Variants in NGEF observed in about 807,000 individuals in gnomAD.
NGEF encodes ephexin-1.
NGEF carries 31 observed loss-of-function variants against 80.9 expected under a neutral mutation model. The ratio of observed to expected loss-of-function variants is 0.38; its 90% CI spans 0.29 to 0.52. NGEF has a LOEUF of 0.52. NGEF is among the 20% of genes least tolerant of loss of function. NGEF has a pLI of 0.84. For missense variants in NGEF, 709 were observed against 926.2 expected, an observed-to-expected ratio of 0.77 and a Z score of 3.04; for synonymous variants, 371 against 370.2, an observed-to-expected ratio of 1.00 and a Z score of -0.03.
intron 1 of NGEF, among the ~76,000 whole-genome samples, chr2:233,010,776 G>A (rs1209110875): frequency 6.6e-6 from 1 of 152,160 alleles, no homozygotes; most frequent in Non-Finnish European, 1.5e-5. Flanking sequence ...CAGGATGGCT[G>A]CCAAACAAAG....
At chr2:232,894,022 C>T (rs1301436604) in intron 6 of NGEF, among the ~76,000 whole-genome samples, 1 of 152,308 alleles carries the variant, frequency 6.6e-6, no homozygotes, top group African/African-American at 2.4e-5. Context: ...CGGGGCTGCG[C>T]CGGGCCCCAC....
At chr2:233,009,480 G>A (rs955752711) in intron 1 of NGEF, among the ~76,000 whole-genome samples, 1 of 151,966 alleles carries the variant, frequency 6.6e-6, no homozygotes, top group Non-Finnish European at 1.5e-5. Flanking sequence ...ACTGCACCCG[G>A]TTCATATACC....
chr2:232,998,689 G>A (rs554512947), intron 1 of NGEF, among the ~76,000 whole-genome samples: 27 of 152,172 alleles, frequency 1.8e-4, no homozygotes, highest in Non-Finnish European at 3.4e-4. Context: ...AGTGGCTGTG[G>A]TGGTGGATGG....
At chr2:232,982,525 T>C (rs1447853995) in intron 1 of NGEF, among the ~76,000 whole-genome samples, 2 of 152,172 alleles carry the variant, frequency 1.3e-5, no homozygotes, top group Non-Finnish European at 2.9e-5. Context: ...CTTGGGCCTT[T>C]TTTTTGAGAC....
At chr2:232,993,124 A>AT (rs1694687495) in intron 1 of NGEF, among the ~76,000 whole-genome samples, 1 of 114,346 alleles carries the variant, frequency 8.7e-6, no homozygotes, top group African/African-American at 3.4e-5. Context: ...TATATAAATA[A>AT]ATATATATTT....
chr2:232,906,755 GAAAAGATTGAGAAATCGGA>G (rs1259786375), intron 5 of NGEF, among the ~76,000 whole-genome samples: 1 of 151,352 alleles, frequency 6.6e-6, no homozygotes, highest in Non-Finnish European at 1.5e-5. Context: ...GCAAGGTGGG[GAAAAGATTGAGAAATCGGA>G]TGGTTGCGGT....
At chr2:232,989,050 A>G (rs994137891) in intron 1 of NGEF, among the ~76,000 whole-genome samples, 9 of 152,190 alleles carry the variant, frequency 5.9e-5, no homozygotes, top group Non-Finnish European at 1.3e-4. Context: ...AAACACACAT[A>G]TATCTGAAAT....
At chr2:232,997,215 G>A (rs895835935) in intron 1 of NGEF, among the ~76,000 whole-genome samples, 1 of 152,230 alleles carries the variant, frequency 6.6e-6, no homozygotes, top group Non-Finnish European at 1.5e-5. Context: ...TCTCACCCGG[G>A]CCCTGGGAAC....
intron 3 of NGEF, among the ~76,000 whole-genome samples, chr2:232,941,785 A>G (rs1023182416): frequency 1.3e-5 from 2 of 152,164 alleles, no homozygotes; most frequent in African/African-American, 4.8e-5. Context: ...TTTGGGGGAA[A>G]AACACCTCAA....
rs866667749 is a variant in NGEF at position 232,900,580 on chromosome 2, T to G, written c.829-5664A>C. Among the ~76,000 whole-genome samples the G allele has an allele frequency of 2.4e-3, 220 of 90,952 alleles. 9 individuals are homozygous for G. The highest frequency in any genetic ancestry group is 9.6e-3 in the African/African-American group (191 of 19,884). The allele number at this position is 90,952 out of a possible 152,430, so 59.7% of individuals were successfully genotyped here. ...CACTCACATTCACTCACACACACGC[T>G]CTCACAGTCACTCATATACACGTTC... On this transcript the variant is annotated intron_variant, in intron 5 of 14. Transcript: ENST00000264051.
At chr2:232,961,668 A>AT (rs5839459) in intron 3 of NGEF, among the ~76,000 whole-genome samples, 11 of 150,180 alleles carry the variant, frequency 7.3e-5, no homozygotes, top group East Asian at 3.9e-4. Flanking sequence ...AATTTTTTGT[A>AT]TTTTTTTTTA....
At position 232,883,974 on chromosome 2, in the gene NGEF, G is replaced by T; in HGVS notation, c.1601+7C>A. 2 of 1,605,732 alleles carry T rather than the reference G, an allele frequency of 1.2e-6. No individual in the cohort carries two copies. The highest frequency in any genetic ancestry group is 2.2e-5 in the South Asian group (2 of 89,126). On this transcript the variant is annotated splice_region_variant and intron_variant, in intron 11 of 14. Coordinates refer to ENST00000264051, the MANE Select transcript of NGEF (RefSeq NM_019850.3). ...CGGAGCGCCTGATGCCCTGGGCCCC[G>T]ACTCACCCTGGAATCTGCCGGCAGA...
In NGEF at chr2:232,885,262, C is replaced by G. The variant is rs1391399522; in HGVS notation, c.1437+18G>C. ...GCCTGTGCATGGGCACAGGCTCACA[C>G]CAATCCCACCGGTTCACCTTGATCT... is the stretch of plus-strand genomic sequence containing the variant. On this transcript the variant is annotated intron_variant, in intron 10 of 14. Transcript: ENST00000264051. 3.7e-6 allele frequency: 6 copies of G among 1,611,594 alleles called. No individual in the cohort carries two copies. The highest frequency in any genetic ancestry group is 1.3e-5 in the African/African-American group (1 of 74,894).
intron 2 of NGEF, among the ~76,000 whole-genome samples, chr2:232,972,181 T>C (rs1694208032): frequency 6.6e-6 from 1 of 152,236 alleles, no homozygotes. Context: ...TTATGCAATC[T>C]AATTCCAGAT....
At chr2:232,930,172 C>G (rs566030946) in intron 3 of NGEF, among the ~76,000 whole-genome samples, 13 of 152,108 alleles carry the variant, frequency 8.5e-5, no homozygotes, top group Non-Finnish European at 1.9e-4. Flanking sequence ...AGACACATTT[C>G]TCATAGTTCC....
chr2:232,928,977 T>A (rs1267604339), intron 3 of NGEF, among the ~76,000 whole-genome samples: 1 of 152,198 alleles, frequency 6.6e-6, no homozygotes, highest in Non-Finnish European at 1.5e-5. Flanking sequence ...GGGATCATGC[T>A]GTCTGCTCAG....
At chr2:232,980,536 T>C (rs189509081) in intron 1 of NGEF, among the ~76,000 whole-genome samples, 7 of 152,158 alleles carry the variant, frequency 4.6e-5, no homozygotes, top group African/African-American at 1.4e-4. Flanking sequence ...TCTTGCTCTG[T>C]CGCCTAGGCT....
At chr2:232,929,902 T>C (rs1693184363) in intron 3 of NGEF, among the ~76,000 whole-genome samples, 1 of 152,176 alleles carries the variant, frequency 6.6e-6, no homozygotes, top group Non-Finnish European at 1.5e-5. Flanking sequence ...CCCCATATTG[T>C]TCTCCTGGTA....
At chr2:232,948,823 G>T (rs747482427) in intron 3 of NGEF, among the ~76,000 whole-genome samples, 1 of 152,010 alleles carries the variant, frequency 6.6e-6, no homozygotes. Flanking sequence ...TTTGAGACTC[G>T]CCTGGCCAAC....
Sources: gnomAD v4.1 joint callset for allele counts (sites outside exome capture counted in the v4.1 genomes callset) on GRCh38, gnomAD v4.1.1 for gene constraint, MANE v1.5 for transcripts, NCBI Gene and HGNC (gene_info 2026-07-23, HGNC 2026-07-21) for gene names.